BRD1: variants seen among roughly 807,000 people sequenced by gnomAD.
BRD1 encodes the protein bromodomain-containing protein 1.
In BRD1, 24 loss-of-function variants were observed where a neutral mutation model predicts 107.7. The ratio of observed to expected loss-of-function variants is 0.22; its 90% CI spans 0.16 to 0.31. The LOEUF is 0.31. BRD1 is among the 10% of genes least tolerant of loss of function. BRD1 has a pLI of 1.00. For missense variants in BRD1, 1,279 were observed against 1,638.6 expected, an observed-to-expected ratio of 0.78 and a Z score of 3.79; for synonymous variants, 744 against 686.1, an observed-to-expected ratio of 1.08 and a Z score of -1.32.
intron 2 of BRD1, among the ~76,000 whole-genome samples, chr22:49,808,633 G>A (rs1381362347): frequency 6.6e-6 from 1 of 152,190 alleles, no homozygotes; most frequent in Non-Finnish European, 1.5e-5. Flanking sequence ...ATATCAAAGT[G>A]CTTCATGCCC....
At chr22:49,777,218 C>G (rs2059118120) in intron 9 of BRD1, 57 bp from the exon 10 acceptor site, 7 of 1,598,408 alleles carry the variant, frequency 4.4e-6, no homozygotes, top group African/African-American at 4.0e-5. Flanking sequence ...CAGCCTCACT[C>G]GGGCTTCGTC....
intron 2 of BRD1, among the ~76,000 whole-genome samples, chr22:49,816,641 G>A (rs2059958011): frequency 6.6e-6 from 1 of 152,192 alleles, no homozygotes; most frequent in Non-Finnish European, 1.5e-5. Context: ...GCTCACACCT[G>A]TAATCTCAAC....
intron 8 of BRD1, among the ~76,000 whole-genome samples, chr22:49,780,222 G>A (rs1048305184): frequency 9.2e-5 from 14 of 152,212 alleles, no homozygotes; most frequent in African/African-American, 2.2e-4. Context: ...CAGCCACGAC[G>A]GCCCCGGCTC....
At chr22:49,826,083 C>T in intron 1 of BRD1, 1 of 810,286 alleles carries the variant, frequency 1.2e-6, no homozygotes, top group Non-Finnish European at 1.5e-6. Context: ...GAGAGCGACC[C>T]TAGTGCACCC....
Position 49,823,760 on chromosome 22 carries a change from A to G in BRD1, c.558T>C (p.Phe186=), listed in dbSNP as rs2060111730. ...DCVPAVSQSM[F]EFLMDRFEKE... is the part of the protein sequence containing the mutation. ...TCTCGAAGCGGTCCATCAGGAACTC[A>G]AACATGCTCTGCGACACGGCGGGGA... The change falls in exon 2 of 13, where the codon TTT becomes TTC. Residue 186 remains phenylalanine, a synonymous_variant. Transcript: ENST00000404760. 6.2e-7 allele frequency: 1 copy of G among 1,614,170 alleles called. No homozygotes were observed. The highest frequency in any genetic ancestry group is 8.5e-7 in the Non-Finnish European group (1 of 1,180,036).
intron 8 of BRD1, among the ~76,000 whole-genome samples, chr22:49,779,401 G>T (rs1396786221): frequency 3.3e-5 from 5 of 152,294 alleles, no homozygotes; most frequent in South Asian, 2.1e-4. Flanking sequence ...AGCTCAGAAG[G>T]GAATGCACAG....
intron 2 of BRD1, 43 bp from the exon 3 acceptor site, chr22:49,804,403 A>G (rs1361268573): frequency 5.2e-6 from 8 of 1,548,430 alleles, no homozygotes; most frequent in Non-Finnish European, 7.0e-6. Context: ...CAGTACATTA[A>G]GATGTTTCAT....
chr22:49,777,726 G>A lies in BRD1; in HGVS notation c.2945C>T (p.Ala982Val), dbSNP rs2059128402. The A allele has an allele frequency of 5.6e-6, 9 of 1,607,804 alleles. No homozygotes were observed. The highest frequency in any genetic ancestry group is 1.1e-5 in the South Asian group (1 of 90,018). ...GCTGGAGGAGATGCTGGACTCGGAG[G>A]CACAGCGTCGTCGGGGTGTGGCCTT... The part of the protein sequence containing the change: ...GRKATPRRRC[A>V]SESSISSSNS... The change falls in exon 9 of 13, where the codon GCC becomes GTC. Residue 982 changes from alanine to valine, a missense_variant. Around this residue, in one of 7 missense-constraint regions of BRD1, gnomAD observed 263 missense variants for 251.6 expected, o/e 1.05. Transcript: ENST00000404760.
intron 7 of BRD1, among the ~76,000 whole-genome samples, chr22:49,789,495 C>G (rs76863910): frequency 7.3e-5 from 11 of 150,818 alleles, no homozygotes; most frequent in East Asian, 3.9e-4. Flanking sequence ...TAGCCTCCCC[C>G]CCCCGCCCCG....
chr22:49,774,073 T>C lies in BRD1; in HGVS notation c.*160A>G, dbSNP rs2059034335. 1 of 1,022,224 alleles carries C rather than the reference T, an allele frequency of 9.8e-7. No individual in the cohort carries two copies. The highest frequency in any genetic ancestry group is 1.9e-5 in the South Asian group (1 of 52,346). The allele number at this position is 1,022,224 out of a possible 1,614,324, so 63.3% of individuals were successfully genotyped here. On this transcript the variant is annotated 3_prime_UTR_variant, in exon 13 of 13. Coordinates refer to ENST00000404760, the MANE Select transcript of BRD1 (RefSeq NM_001304808.3). ...CCCACTCACAGCGCCCAGACGGAGATGGGTTCCTAGAAAACTTGGAAATAA... is the reference window on the plus strand; with the variant it reads ...CCCACTCACAGCGCCCAGACGGAGACGGGTTCCTAGAAAACTTGGAAATAA...
chr22:49,825,254 C>T (rs1013089911), intron 1 of BRD1, among the ~76,000 whole-genome samples: 15 of 152,158 alleles, frequency 9.9e-5, no homozygotes, highest in South Asian at 8.3e-4. Flanking sequence ...TGAAGGCAGA[C>T]GCTCCACTCA....
intron 7 of BRD1, among the ~76,000 whole-genome samples, chr22:49,788,409 A>G (rs2059370071): frequency 6.6e-6 from 1 of 152,084 alleles, no homozygotes; most frequent in East Asian, 1.9e-4. Context: ...GCTGTGGATG[A>G]TTTTCAAGAA....
chr22:49,827,837 G>C lies in BRD1; in HGVS notation c.-355C>G, dbSNP rs1472511880. ...CGGGGCTGGCTCGGACTCCAGGGCC[G>C]GGTCGCTCGCTCGCTCCCCAGCGAA... On this transcript the variant is annotated 5_prime_UTR_variant, in exon 1 of 13. Coordinates refer to ENST00000404760, the MANE Select transcript of BRD1 (RefSeq NM_001304808.3). 6.8e-6 allele frequency among the ~76,000 whole-genome samples: 1 copy of C among 146,128 alleles called. No homozygotes were observed. The highest frequency in any genetic ancestry group is 1.5e-5 in the Non-Finnish European group (1 of 65,772).
chr22:49,827,808 G>A lies in BRD1; in HGVS notation c.-326C>T, dbSNP rs932893460. Reference sequence around the variant, plus strand: ...AGCGGGCGGCGGGCGGCGGGCGCGGGACGCGGGGCTGGCTCGGACTCCAGG... The same window carrying A: ...AGCGGGCGGCGGGCGGCGGGCGCGGAACGCGGGGCTGGCTCGGACTCCAGG... On this transcript the variant is annotated 5_prime_UTR_variant, in exon 1 of 13. Transcript: ENST00000404760. 2.7e-5 allele frequency among the ~76,000 whole-genome samples: 4 copies of A among 145,718 alleles called. No individual in the cohort carries two copies. The highest frequency in any genetic ancestry group is 9.8e-5 in the African/African-American group (4 of 40,626).
At chr22:49,774,550 C>A (rs1384453415) in intron 12 of BRD1, 134 bp from the exon 13 acceptor site, 7 of 1,019,334 alleles carry the variant, frequency 6.9e-6, no homozygotes, top group Non-Finnish European at 8.5e-6. Flanking sequence ...GACAGCTGGG[C>A]CCCGTGCAGG....
At chr22:49,796,633 C>T (rs1230352984) in intron 6 of BRD1, among the ~76,000 whole-genome samples, 2 of 152,264 alleles carry the variant, frequency 1.3e-5, no homozygotes, top group South Asian at 4.1e-4. Flanking sequence ...GCTGGGATTA[C>T]AGGCATGAGC....
rs1271269760 is a variant in BRD1 at position 49,794,073 on chromosome 22, C to T, written c.2320G>A (p.Glu774Lys). ...TCCGGCCCCAGCGCAGCTCCGTCCT[C>T]TTCGAAGCCTTCCAAGCCTGGCCCC... ...PTGPGLEGFE[E>K]DGAALGPEAG... Residue 774 changes from glutamate (E) to lysine (K), a missense_variant, in exon 7 of 13, where the codon GAG becomes AAG. Transcript: ENST00000404760. 3 of 1,614,034 alleles carry T rather than the reference C, an allele frequency of 1.9e-6. No homozygotes were observed. The highest frequency in any genetic ancestry group is 2.2e-5 in the South Asian group (2 of 91,084).
rs539873463 is a variant in BRD1, at chr22:49,775,878, G to A, written c.3232-133C>T. On this transcript the variant is annotated intron_variant, in intron 11 of 12. Transcript: ENST00000404760. The stretch of plus-strand genomic sequence containing the variant: ...CTCAGACCACCCCCACGCCCCCCTC[G>A]CCGAACCACCCCTGCCCCTTCCAGC... 3,282 of 801,042 alleles carry A rather than the reference G, an allele frequency of 4.1e-3. 30 individuals carry two copies. The highest frequency in any genetic ancestry group is 0.019 in the East Asian group (231 of 11,848). 49.6% of individuals were successfully genotyped at this position (801,042 alleles called of 1,614,324 possible).
rs556178692 is a variant in BRD1 at position 49,776,253 on chromosome 22, C to T, written c.3122-94G>A. 148 of 1,077,770 alleles carry T rather than the reference C, an allele frequency of 1.4e-4. 1 individual carries two copies. Among genetic ancestry groups the T allele is most frequent in the Non-Finnish European group, 1.9e-4 (137 of 734,464 alleles). 66.8% of individuals were successfully genotyped at this position (1,077,770 alleles called of 1,614,324 possible). On this transcript the variant is annotated intron_variant, in intron 10 of 12. Transcript: ENST00000404760. Reference sequence around the variant, plus strand: ...AAGGTGCAGCAACAGGGTGGGTCCCCCGAGCACAGCCCAGCTCCCAGGCCT... The same window carrying T: ...AAGGTGCAGCAACAGGGTGGGTCCCTCGAGCACAGCCCAGCTCCCAGGCCT...
Sources: allele counts gnomAD v4.1 joint callset (sites outside exome capture counted in the v4.1 genomes callset), GRCh38; gene constraint gnomAD v4.1.1; regional missense constraint gnomAD v4.1.1; transcripts MANE v1.5; gene names NCBI Gene and HGNC (gene_info 2026-07-23, HGNC 2026-07-21).